The following ZBTB38 variants were observed in gnomAD, a reference collection of about 807,000 sequenced individuals.
ZBTB38 encodes the protein zinc finger and BTB domain containing 38, also known as zinc finger and BTB domain-containing protein 38.
A neutral mutation model predicts 76.8 loss-of-function variants in ZBTB38; 20 were observed. The ratio of observed to expected loss-of-function variants is 0.26; its 90% CI spans 0.18 to 0.38. The LOEUF (loss-of-function observed/expected upper bound fraction) is 0.38, where lower values mean the gene tolerates loss of function less well. Ranked by LOEUF, ZBTB38 falls within the 10% of genes least tolerant of loss-of-function variation. ZBTB38 has a pLI of 1.00. For missense variants in ZBTB38, 1,082 were observed against 1,482.3 expected (o/e 0.73, Z 4.43); for synonymous variants, 504 against 544.2 (o/e 0.93, Z 1.03).
intron 1 of ZBTB38, among the ~76,000 whole-genome samples, chr3:141,330,696 G>A (rs1942821449): frequency 6.6e-6 from 1 of 152,242 alleles, no homozygotes; most frequent in Non-Finnish European, 1.5e-5. Flanking sequence ...AGTATTGAGA[G>A]GTGAGGCCTT....
At chr3:141,387,762 T>A (rs1947535452) in intron 4 of ZBTB38, 2 of 152,240 alleles carry the variant, frequency 1.3e-5, no homozygotes, top group South Asian at 4.1e-4. Context: ...GATTTTTGTG[T>A]GTATGTGACA....
chr3:141,371,999 A>C (rs1190942217), intron 2 of ZBTB38, among the ~76,000 whole-genome samples: 1 of 152,154 alleles, frequency 6.6e-6, no homozygotes, highest in Non-Finnish European at 1.5e-5. Flanking sequence ...ATCTGACTAA[A>C]CACTCTGGTT....
At chr3:141,411,616 C>T (rs946695058) in intron 5 of ZBTB38, among the ~76,000 whole-genome samples, 5 of 152,180 alleles carry the variant, frequency 3.3e-5, no homozygotes, top group Non-Finnish European at 7.3e-5. Flanking sequence ...AAAGCCATGA[C>T]GTGGCACTGA....
intron 5 of ZBTB38, among the ~76,000 whole-genome samples, chr3:141,428,955 A>T (rs567148723): frequency 6.6e-6 from 1 of 152,320 alleles, no homozygotes. Flanking sequence ...TCCTCATGTA[A>T]TGTTGATTTA....
intron 5 of ZBTB38, among the ~76,000 whole-genome samples, chr3:141,409,716 G>A (rs1955996557): frequency 6.6e-6 from 1 of 152,136 alleles, no homozygotes; most frequent in Non-Finnish European, 1.5e-5. Context: ...AAACACCAAT[G>A]GAGTTCCACA....
intron 4 of ZBTB38, among the ~76,000 whole-genome samples, chr3:141,399,987 C>CTTTTTTTT (rs557587979): frequency 5.0e-5 from 4 of 80,464 alleles, no homozygotes; most frequent in Non-Finnish European, 9.7e-5. Context: ...GAAAGTCTTG[C>CTTTTTTTT]TTTTTTTTTT....
chr3:141,432,994 A>G (rs1383268272), intron 5 of ZBTB38, among the ~76,000 whole-genome samples: 2 of 152,234 alleles, frequency 1.3e-5, no homozygotes, highest in Non-Finnish European at 2.9e-5. Context: ...TCACCTGTGT[A>G]TAGTGTGGAC....
intron 3 of ZBTB38, chr3:141,384,851 G>A (rs1457546089): frequency 6.6e-6 from 1 of 152,252 alleles, no homozygotes; most frequent in Non-Finnish European, 1.5e-5. Context: ...ACTCCAAAGA[G>A]AAGAGGACTC....
intron 4 of ZBTB38, among the ~76,000 whole-genome samples, chr3:141,400,702 G>A (rs1485706223): frequency 1.3e-5 from 2 of 152,216 alleles, no homozygotes; most frequent in African/African-American, 2.4e-5. Flanking sequence ...ATCATAGCGT[G>A]CTTACATAAT....
chr3:141,443,332 A>T lies in ZBTB38; in HGVS notation c.944A>T (p.Asp315Val). The T allele has an allele frequency of 6.2e-7, 1 of 1,614,164 alleles. No individual in the cohort carries two copies. Among genetic ancestry groups the T allele is most frequent in the Non-Finnish European group, 8.5e-7 (1 of 1,180,034 alleles). ...TRSKSPNNEGDVHFSREDENQ... is the reference protein window; with the variant it reads ...TRSKSPNNEGVVHFSREDENQ... ...TCAAAATCTCCAAACAATGAAGGAG[A>T]TGTCCATTTTTCCAGGGAAGATGAA... is the stretch of plus-strand genomic sequence containing the variant. The change falls in exon 6 of 6, where the codon GAT (aspartate) becomes GTT (valine). Residue 315 changes from aspartate to valine, a missense_variant. Transcript: ENST00000321464. This position sits in a 1 kb window ranked among gnomAD's most constrained non-coding sequence, Gnocchi z 5.6.
chr3:141,445,304 G>A lies in ZBTB38; in HGVS notation c.2916G>A (p.Glu972=). The A allele has an allele frequency of 6.2e-7, 1 of 1,614,144 alleles. No homozygotes were observed. ...VGKAPQDKPF[E]EEETKEMPKL... is the part of the protein sequence containing the mutation. ...AGGCTCCTCAGGATAAACCCTTTGAGGAAGAAGAAACTAAAGAGATGCCCA... is the reference window on the plus strand; with the variant it reads ...AGGCTCCTCAGGATAAACCCTTTGAAGAAGAAGAAACTAAAGAGATGCCCA... Residue 972 remains glutamate, a synonymous_variant, in exon 6 of 6, where the codon GAG becomes GAA. Transcript: ENST00000321464. This position sits in a 1 kb window ranked among gnomAD's most constrained non-coding sequence, Gnocchi z 6.5.
chr3:141,406,563 G>C (rs1294288847), intron 5 of ZBTB38, among the ~76,000 whole-genome samples: 1 of 152,170 alleles, frequency 6.6e-6, no homozygotes, highest in Non-Finnish European at 1.5e-5. Context: ...AGGCAGAAGG[G>C]GGCTTTGCGC....
intron 5 of ZBTB38, among the ~76,000 whole-genome samples, chr3:141,431,020 C>G (rs1371542141): frequency 6.6e-6 from 1 of 151,888 alleles, no homozygotes; most frequent in East Asian, 1.9e-4. Flanking sequence ...ATTAAAAATA[C>G]CTTCTATTAA....
chr3:141,378,185 C>CAAAA (rs10662147), intron 2 of ZBTB38, among the ~76,000 whole-genome samples: 3 of 135,744 alleles, frequency 2.2e-5, no homozygotes, highest in African/African-American at 2.6e-5. Flanking sequence ...TCTCAACAAG[C>CAAAA]AAAAAAAAAA....
intron 4 of ZBTB38, among the ~76,000 whole-genome samples, chr3:141,400,858 G>C (rs1299232007): frequency 6.6e-6 from 1 of 152,218 alleles, no homozygotes; most frequent in Non-Finnish European, 1.5e-5. Flanking sequence ...AAGTGGCCTT[G>C]TAAGCAACAA....
intron 5 of ZBTB38, among the ~76,000 whole-genome samples, chr3:141,425,264 T>A (rs1273146563): frequency 2.0e-5 from 3 of 152,188 alleles, no homozygotes; most frequent in African/African-American, 7.2e-5. Context: ...TTCAGCAACT[T>A]TAGTCTCCCC....
intron 1 of ZBTB38, among the ~76,000 whole-genome samples, chr3:141,359,669 G>T (rs1215935082): frequency 6.6e-6 from 1 of 152,098 alleles, no homozygotes; most frequent in Admixed American, 6.6e-5. Context: ...AGTGGCTCAT[G>T]CCTGTAATCC....
chr3:141,394,862 A>C (rs1279992220), intron 4 of ZBTB38, among the ~76,000 whole-genome samples: 8 of 152,138 alleles, frequency 5.3e-5, no homozygotes. Context: ...TCTATCTTTG[A>C]GGGAATCATG....
intron 2 of ZBTB38, among the ~76,000 whole-genome samples, chr3:141,376,885 G>T (rs181652389): frequency 6.6e-6 from 1 of 152,180 alleles, no homozygotes; most frequent in Non-Finnish European, 1.5e-5. Context: ...TTGTTCAGTG[G>T]GTCCCAAGAT....
Sources: allele counts gnomAD v4.1 joint callset (sites outside exome capture counted in the v4.1 genomes callset), GRCh38; gene constraint gnomAD v4.1.1; non-coding constraint Gnocchi (gnomAD v3.1); transcripts MANE v1.5; gene names NCBI Gene and HGNC (gene_info 2026-07-23, HGNC 2026-07-21).